Variants in MAP3K2 observed in about 807,000 individuals in gnomAD.
MAP3K2 encodes the protein MAP/ERK kinase kinase 2.
MAP3K2 carries 24 observed loss-of-function variants against 80.3 expected under a neutral mutation model. The observed-to-expected ratio is 0.30, with a 90% CI of 0.22 to 0.42. MAP3K2 has a LOEUF of 0.42. Among genes scored for constraint, MAP3K2 ranks in the 10% least tolerant of loss-of-function variants. The pLI is 1.00. For synonymous variants in MAP3K2, 244 were observed against 253.7 expected, an observed-to-expected ratio of 0.96 and a Z score of 0.36; for missense variants, 608 against 750.1, an observed-to-expected ratio of 0.81 and a Z score of 2.21.
At position 127,339,543 on chromosome 2, in the gene MAP3K2, T is replaced by C. The variant is rs1265414900; in HGVS notation, c.5-493A>G. 6.6e-6 allele frequency among the ~76,000 whole-genome samples: 1 copy of C among 152,234 alleles called. No individual in the cohort carries two copies. Among genetic ancestry groups the C allele is most frequent in the Admixed American group, 6.5e-5 (1 of 15,282 alleles). ...AAAGAAAAGCTTCACCTGTGGATACTGGCCTACTGTATTTGGAAATGCTCT... is the reference window on the plus strand; with the variant it reads ...AAAGAAAAGCTTCACCTGTGGATACCGGCCTACTGTATTTGGAAATGCTCT... On this transcript the variant is annotated intron_variant, in intron 2 of 16. Coordinates refer to ENST00000682094, the MANE Select transcript of MAP3K2 (RefSeq NM_001371910.2). The surrounding 1 kb of genome is among the most constrained non-coding windows in gnomAD (Gnocchi z 4.2).
intron 4 of MAP3K2, among the ~76,000 whole-genome samples, chr2:127,336,906 C>T (rs59566504): frequency 6.6e-6 from 1 of 151,886 alleles, no homozygotes; most frequent in East Asian, 1.9e-4. Flanking sequence ...TTTGGGAGGC[C>T]GGGGCGGGTG....
At position 127,317,700 on chromosome 2, in the gene MAP3K2, C is replaced by A; in HGVS notation, c.1255G>T (p.Val419Phe). 6.3e-7 allele frequency: 1 copy of A among 1,598,400 alleles called. No homozygotes were observed. The highest frequency in any genetic ancestry group is 8.5e-7 in the Non-Finnish European group (1 of 1,171,520). The stretch of plus-strand genomic sequence containing the variant: ...TCCCTCAAACAGCCATAATACTGAA[C>A]AATTCGCTCATGTAGCAAGTTTTTC... ...LLKNLLHERI[V>F]QYYGCLRDPQ... is the part of the protein sequence containing the mutation. Residue 419 changes from valine (V) to phenylalanine (F), a missense_variant, in exon 14 of 17, where the codon GTT (valine) becomes TTT (phenylalanine). By Grantham distance (50) the Val-to-Phe change is conservative (BLOSUM62 -1). Around this residue, in one of 4 missense-constraint regions of MAP3K2, gnomAD observed 467 missense variants for 521.9 expected, o/e 0.89. Transcript: ENST00000682094.
chr2:127,342,892 A>G (rs1686525318), intron 2 of MAP3K2, among the ~76,000 whole-genome samples: 1 of 152,150 alleles, frequency 6.6e-6, no homozygotes. Context: ...ACATCTTAAC[A>G]GCTTATTTTG....
At chr2:127,371,209 C>T (rs1687058205) in intron 1 of MAP3K2, among the ~76,000 whole-genome samples, 1 of 152,180 alleles carries the variant, frequency 6.6e-6, no homozygotes, top group African/African-American at 2.4e-5. Context: ...TTTTGGAGGC[C>T]AGCCAGTACC....
chr2:127,316,335 T>C (rs572133936), intron 14 of MAP3K2, among the ~76,000 whole-genome samples: 7 of 152,298 alleles, frequency 4.6e-5, no homozygotes, highest in Admixed American at 6.5e-5. Flanking sequence ...GATCGTGCCA[T>C]TGCTCAGCCT....
In MAP3K2 at chr2:127,370,230, G is replaced by A. The variant is rs563489387; in HGVS notation, c.-66+17222C>T. Among the ~76,000 whole-genome samples, 5 of 152,274 alleles carry A rather than the reference G, an allele frequency of 3.3e-5. No individual in the cohort carries two copies. In the East Asian group the frequency reaches 9.6e-4, roughly 29 times the overall value. On this transcript the variant is annotated intron_variant, in intron 1 of 16. Coordinates refer to ENST00000682094, the MANE Select transcript of MAP3K2 (RefSeq NM_001371910.2). ...CGCAGCGCAAGCACAGGCTTGTCAGGGCCTCAGCCGCTGACTCTTTATACA... is the reference window on the plus strand; with the variant it reads ...CGCAGCGCAAGCACAGGCTTGTCAGAGCCTCAGCCGCTGACTCTTTATACA...
rs182285562 is a variant in MAP3K2 at position 127,310,199 on chromosome 2, C to T, written c.1457-1437G>A. On this transcript the variant is annotated intron_variant, in intron 15 of 16. Coordinates refer to ENST00000682094, the MANE Select transcript of MAP3K2 (RefSeq NM_001371910.2). The surrounding 1 kb of genome is among the most constrained non-coding windows in gnomAD (Gnocchi z 4.8). The stretch of plus-strand genomic sequence containing the variant: ...GACTCTGTGTCCCTTTGCCATACCC[C>T]CATCATTGTATCCTTGGCTTTTGTT... Among the ~76,000 whole-genome samples the T allele has an allele frequency of 4.6e-4, 70 of 152,296 alleles. No homozygotes were observed. The highest frequency in any genetic ancestry group is 1.6e-3 in the African/African-American group (65 of 41,548).
At chr2:127,343,971 T>C (rs773813687) in intron 1 of MAP3K2, among the ~76,000 whole-genome samples, 10 of 151,744 alleles carry the variant, frequency 6.6e-5, no homozygotes, top group South Asian at 2.1e-4. Context: ...CAGTGAGCTG[T>C]GGCACTCCAG....
Position 127,316,652 on chromosome 2 carries a change from A to C in MAP3K2, c.1326+977T>G, listed in dbSNP as rs1264370552. Among the ~76,000 whole-genome samples the C allele has an allele frequency of 2.6e-5, 4 of 152,324 alleles. No individual in the cohort carries two copies. The East Asian group carries it at 5.8e-4, about 22-fold the overall frequency. ...GTGCAGGAAAAAACAAAACTTTACA[A>C]TGCAGGACTCAATATGTCAATCATC... On this transcript the variant is annotated intron_variant, in intron 14 of 16. Coordinates refer to ENST00000682094, the MANE Select transcript of MAP3K2 (RefSeq NM_001371910.2).
At chr2:127,323,815 A>G in intron 11 of MAP3K2, 87 bp downstream of exon 11, 1 of 564,454 alleles carries the variant, frequency 1.8e-6, no homozygotes. Flanking sequence ...GTATTAACAC[A>G]AATATGAGGT....
Position 127,303,594 on chromosome 2 carries a change from T to C in MAP3K2, c.*3985A>G, listed in dbSNP as rs1685638295. 6.6e-6 allele frequency: 1 copy of C among 151,944 alleles called. No homozygotes were observed. Among genetic ancestry groups the C allele is most frequent in the Non-Finnish European group, 1.5e-5 (1 of 67,966 alleles). 9.4% of individuals were successfully genotyped at this position (151,944 alleles called of 1,614,324 possible). On this transcript the variant is annotated 3_prime_UTR_variant, in exon 17 of 17. Transcript: ENST00000682094. ...ACATTTTAAAACATCATTGCTGAACTTTCAGAGTTAGCGTATGCCATAAAA... is the reference window on the plus strand; with the variant it reads ...ACATTTTAAAACATCATTGCTGAACCTTCAGAGTTAGCGTATGCCATAAAA...
In MAP3K2 at chr2:127,323,159, T is replaced by C. The variant is rs1337866134; in HGVS notation, c.838+743A>G. ...GCTCACGCCTGTAATCCTAGCACTT[T>C]GGGAGGCCAAGGCAAGTGGATCACT... On this transcript the variant is annotated intron_variant, in intron 11 of 16. Coordinates refer to ENST00000682094, the MANE Select transcript of MAP3K2 (RefSeq NM_001371910.2). Among the ~76,000 whole-genome samples, 4 of 150,734 alleles carry C rather than the reference T, an allele frequency of 2.7e-5. No homozygotes were observed. The East Asian group carries it at 8.1e-4, about 31-fold the overall frequency.
At chr2:127,367,788 G>A (rs1452520530) in intron 1 of MAP3K2, among the ~76,000 whole-genome samples, 1 of 152,006 alleles carries the variant, frequency 6.6e-6, no homozygotes, top group Non-Finnish European at 1.5e-5. Context: ...GTGAGACTCC[G>A]TCTCAAAACA....
intron 1 of MAP3K2, among the ~76,000 whole-genome samples, chr2:127,343,492 G>A (rs887882958): frequency 1.3e-5 from 2 of 151,994 alleles, no homozygotes; most frequent in Admixed American, 6.6e-5. Flanking sequence ...CAAGTTCTCA[G>A]GTGTCAGCCA....
At chr2:127,326,413 C>G (rs1686142663) in intron 8 of MAP3K2, among the ~76,000 whole-genome samples, 1 of 151,574 alleles carries the variant, frequency 6.6e-6, no homozygotes, top group South Asian at 2.1e-4. Flanking sequence ...AAAAAAAAAT[C>G]TGGCTGTTAA....
In MAP3K2 at chr2:127,343,147, CA is replaced by C; in HGVS notation, c.-19del. 6.4e-7 allele frequency: 1 copy of C among 1,551,118 alleles called. No homozygotes were observed. Among genetic ancestry groups the C allele is most frequent in the Non-Finnish European group, 8.7e-7 (1 of 1,145,390 alleles). ...TCACCCATTATGGCAAACAGCTCAA[CA>C]ATTTGAAAATTAGGAAAATGGTTCT... On this transcript the variant is annotated 5_prime_UTR_variant, in exon 2 of 17. In the 5' UTR this introduces an upstream ATG that the reference lacks. Transcript: ENST00000682094.
At chr2:127,343,543 AG>A (rs1281256289) in intron 1 of MAP3K2, among the ~76,000 whole-genome samples, 3 of 152,222 alleles carry the variant, frequency 2.0e-5, no homozygotes, top group Non-Finnish European at 2.9e-5. Flanking sequence ...ATCAGCAATC[AG>A]GCCCACTACA....
chr2:127,354,579 A>T lies in MAP3K2; in HGVS notation c.-65-11385T>A, dbSNP rs749418267. 5.5e-4 allele frequency among the ~76,000 whole-genome samples: 83 copies of T among 152,088 alleles called. 1 individual carries two copies. Among genetic ancestry groups the T allele is most frequent in the Non-Finnish European group, 1.1e-3 (75 of 68,028 alleles). On this transcript the variant is annotated intron_variant, in intron 1 of 16. Transcript: ENST00000682094. Reference sequence around the variant, plus strand: ...GAAAAATTATGCTAAACTAAATGCTACCCTGGTTCTACCTAATGAAACTTA... The same window carrying T: ...GAAAAATTATGCTAAACTAAATGCTTCCCTGGTTCTACCTAATGAAACTTA...
chr2:127,352,849 C>A (rs908811572), intron 1 of MAP3K2, among the ~76,000 whole-genome samples: 3 of 152,162 alleles, frequency 2.0e-5, no homozygotes, highest in Non-Finnish European at 4.4e-5. Context: ...CAGGTGCGCG[C>A]CGCCATGCCT....
Sources: allele counts gnomAD v4.1 joint callset (sites outside exome capture counted in the v4.1 genomes callset), GRCh38; gene constraint gnomAD v4.1.1; regional missense constraint gnomAD v4.1.1; non-coding constraint Gnocchi (gnomAD v3.1); transcripts MANE v1.5; gene names NCBI Gene and HGNC (gene_info 2026-07-23, HGNC 2026-07-21).